CSMD1: variants seen among roughly 807,000 people sequenced by gnomAD.
CSMD1 encodes CUB and Sushi multiple domains 1.
A neutral mutation model predicts 417.5 loss-of-function variants in CSMD1; 213 were observed. The ratio of observed to expected loss-of-function variants is 0.51; its 90% CI spans 0.46 to 0.57. The LOEUF is 0.57. Ranked by LOEUF, CSMD1 falls within the 20% of genes least tolerant of loss-of-function variation. The probability of loss-of-function intolerance (pLI) is 0.00; values close to 1 mark genes in which losing one functional copy is unlikely to be tolerated. For missense variants in CSMD1, 6,923 were observed against 4,529.7 expected, an observed-to-expected ratio of 1.53 and a Z score of -15.17; for synonymous variants, 2,862 against 1,736.8, an observed-to-expected ratio of 1.65 and a Z score of -16.11.
At chr8:3,427,251 T>C (rs1262719868) in intron 12 of CSMD1, among the ~76,000 whole-genome samples, 1 of 152,106 alleles carries the variant, frequency 6.6e-6, no homozygotes, top group East Asian at 1.9e-4. Flanking sequence ...TGCTTTGAGA[T>C]TTTCAAGGCC....
chr8:4,424,037 A>G (rs1475065178), intron 2 of CSMD1, among the ~76,000 whole-genome samples: 1 of 152,074 alleles, frequency 6.6e-6, no homozygotes, highest in Non-Finnish European at 1.5e-5. Context: ...CTTATATAAA[A>G]ATTACCTCAA....
chr8:4,562,191 G>A (rs1008652100), intron 2 of CSMD1, among the ~76,000 whole-genome samples: 13 of 152,190 alleles, frequency 8.5e-5, no homozygotes, highest in Admixed American at 8.5e-4. Context: ...GAAGAAACTA[G>A]AAACAGACAC....
chr8:3,110,357 A>T (rs2129016016), intron 42 of CSMD1, 22 bp from the exon 43 acceptor site: 3 of 1,578,628 alleles, frequency 1.9e-6, no homozygotes, highest in Non-Finnish European at 2.6e-6. Flanking sequence ...ACCAAGAAAA[A>T]ACAAGCGCCA....
intron 1 of CSMD1, among the ~76,000 whole-genome samples, chr8:4,832,212 G>A (rs1242497955): frequency 1.3e-5 from 2 of 152,174 alleles, no homozygotes; most frequent in African/African-American, 2.4e-5. Context: ...GAGGGTTTGG[G>A]AGGTGAGAGG....
At chr8:3,753,888 C>G in intron 6 of CSMD1, 42 bp downstream of exon 6, 1 of 1,343,606 alleles carries the variant, frequency 7.4e-7, no homozygotes, top group Non-Finnish European at 1.1e-6. Context: ...AAATATATTA[C>G]GCTCTGTTTT....
At chr8:4,665,395 C>T (rs1391742979) in intron 1 of CSMD1, among the ~76,000 whole-genome samples, 2 of 152,150 alleles carry the variant, frequency 1.3e-5, no homozygotes, top group Non-Finnish European at 1.5e-5. Flanking sequence ...GTCCATGAGT[C>T]GTGAAAGTTA....
At chr8:4,082,962 G>C (rs931055591) in intron 3 of CSMD1, among the ~76,000 whole-genome samples, 8 of 151,850 alleles carry the variant, frequency 5.3e-5, no homozygotes, top group African/African-American at 1.7e-4. Context: ...TTTTATGGCT[G>C]AATAGGACTC....
chr8:3,721,740 C>G (rs1229648430), intron 6 of CSMD1, among the ~76,000 whole-genome samples: 1 of 152,052 alleles, frequency 6.6e-6, no homozygotes, highest in African/African-American at 2.4e-5. Flanking sequence ...AATAAAGGAA[C>G]AGAATTCTAA....
At chr8:3,643,891 C>G (rs1444505103) in intron 7 of CSMD1, among the ~76,000 whole-genome samples, 1 of 152,036 alleles carries the variant, frequency 6.6e-6, no homozygotes, top group Non-Finnish European at 1.5e-5. Flanking sequence ...ATTTGATTTG[C>G]TATCTGGGCA....
chr8:4,390,202 T>C (rs1186607058), intron 3 of CSMD1, among the ~76,000 whole-genome samples: 3 of 152,168 alleles, frequency 2.0e-5, no homozygotes, highest in Non-Finnish European at 4.4e-5. Flanking sequence ...TATAAACATG[T>C]TTTTGACCAG....
At chr8:3,650,621 T>C (rs954538100) in intron 7 of CSMD1, among the ~76,000 whole-genome samples, 4 of 152,160 alleles carry the variant, frequency 2.6e-5, no homozygotes, top group African/African-American at 4.8e-5. Context: ...TGTACTGAGC[T>C]CCCGGCTGTG....
At chr8:4,572,758 C>T (rs1192270531) in intron 2 of CSMD1, among the ~76,000 whole-genome samples, 2 of 152,182 alleles carry the variant, frequency 1.3e-5, no homozygotes, top group East Asian at 3.8e-4. Context: ...GTCCATCAAT[C>T]AATCATAGAT....
chr8:4,525,903 G>T (rs768384169), intron 2 of CSMD1, among the ~76,000 whole-genome samples: 1 of 152,118 alleles, frequency 6.6e-6, no homozygotes, highest in Non-Finnish European at 1.5e-5. Context: ...AATGATAAGT[G>T]CAGGCCTTAG....
intron 6 of CSMD1, among the ~76,000 whole-genome samples, chr8:3,742,516 A>G (rs1297081722): frequency 6.6e-6 from 1 of 152,234 alleles, no homozygotes; most frequent in African/African-American, 2.4e-5. Flanking sequence ...GATAGTTGGC[A>G]CTGCACTGAA....
intron 30 of CSMD1, among the ~76,000 whole-genome samples, chr8:3,206,484 ATGTGTGTGTGGG>A (rs1797283036): frequency 1.0e-5 from 1 of 99,870 alleles, no homozygotes; most frequent in Non-Finnish European, 1.8e-5. Context: ...CTGTGCGTGT[ATGTGTGTGTGGG>A]TGTATGTGTG....
At chr8:4,633,996 T>TA (rs34505266) in intron 2 of CSMD1, among the ~76,000 whole-genome samples, 30,372 of 142,912 alleles carry the variant, frequency 0.21, 4,722 homozygotes, top group African/African-American at 0.46. Flanking sequence ...GACAGGTCAT[T>TA]AAAAAAAAAA....
At chr8:3,450,912 C>A (rs980073795) in intron 12 of CSMD1, among the ~76,000 whole-genome samples, 8 of 151,844 alleles carry the variant, frequency 5.3e-5, no homozygotes, top group Non-Finnish European at 8.8e-5. Flanking sequence ...AATGGTTGAA[C>A]TAGTTTACAG....
At chr8:3,376,821 A>G (rs1267245476) in intron 18 of CSMD1, among the ~76,000 whole-genome samples, 4 of 152,122 alleles carry the variant, frequency 2.6e-5, no homozygotes, top group African/African-American at 9.7e-5. Context: ...AAAGCTATGA[A>G]TGTTTAAAGG....
At position 3,634,765 on chromosome 8, in the gene CSMD1, T is replaced by G. The variant is rs143022300; in HGVS notation, c.1010-17968A>C. The stretch of plus-strand genomic sequence containing the variant: ...GATTAAGGCACACAGTTTGATTGCT[T>G]ACCCATTAGTGAATACAGCCATGCA... On this transcript the variant is annotated intron_variant, in intron 7 of 69. Transcript: ENST00000635120. Among the ~76,000 whole-genome samples the G allele has an allele frequency of 2.2e-3, 329 of 152,296 alleles. 2 individuals are homozygous for G. The highest frequency in any genetic ancestry group is 3.7e-3 in the Non-Finnish European group (249 of 68,020).
Sources: gnomAD v4.1 joint callset for allele counts (sites outside exome capture counted in the v4.1 genomes callset) on GRCh38, gnomAD v4.1.1 for gene constraint, MANE v1.5 for transcripts, NCBI Gene and HGNC (gene_info 2026-07-23, HGNC 2026-07-21) for gene names.